Variants in ZNF564 observed in about 807,000 individuals in gnomAD.
ZNF564 encodes the protein zinc finger protein 564.
Under a neutral mutation model 10.5 loss-of-function variants are expected in ZNF564, and 5 were observed. That is an observed-to-expected ratio of 0.48 (90% CI 0.25 to 1.00). The LOEUF is 1.00. Ranked by LOEUF, ZNF564 falls within the 50% of genes least tolerant of loss-of-function variation. The pLI is 0.16. For missense variants in ZNF564, 603 were observed against 669.7 expected (o/e 0.90, Z 1.10); for synonymous variants, 242 against 218.1 (o/e 1.11, Z -0.97).
chr19:12,538,388 G>A (rs1461610584), intron 1 of ZNF564, among the ~76,000 whole-genome samples: 1 of 151,952 alleles, frequency 6.6e-6, no homozygotes, highest in Non-Finnish European at 1.5e-5. Flanking sequence ...CACTTTGGGA[G>A]GCCAAGGTGG....
intron 1 of ZNF564, chr19:12,533,103 C>A (rs1382827020): frequency 6.6e-6 from 1 of 152,038 alleles, no homozygotes; most frequent in Non-Finnish European, 1.5e-5. Flanking sequence ...CAAAAATAAA[C>A]CAAATACTGG....
chr19:12,547,230 T>C (rs561689596), intron 1 of ZNF564, among the ~76,000 whole-genome samples: 1 of 152,138 alleles, frequency 6.6e-6, no homozygotes, highest in Admixed American at 6.5e-5. Context: ...CAATTTTTTT[T>C]AATTTTGTAG....
chr19:12,534,917 T>C (rs1159614370), intron 1 of ZNF564, among the ~76,000 whole-genome samples: 2 of 152,130 alleles, frequency 1.3e-5, no homozygotes, highest in Non-Finnish European at 2.9e-5. Flanking sequence ...AACCTGTACA[T>C]GGATGTTTAT....
chr19:12,549,729 C>T (rs1259056467), intron 1 of ZNF564, among the ~76,000 whole-genome samples: 1 of 152,114 alleles, frequency 6.6e-6, no homozygotes, highest in Non-Finnish European at 1.5e-5. Context: ...CACCTCAGGG[C>T]ATACAGCTGC....
rs2021702321 is a variant in ZNF564 at position 12,527,145 on chromosome 19, G to A, written c.963C>T (p.Pro321=). 13 of 1,613,540 alleles carry A rather than the reference G, an allele frequency of 8.1e-6. No homozygotes were observed. Among genetic ancestry groups the A allele is most frequent in the Non-Finnish European group, 1.1e-5 (13 of 1,179,912 alleles). Residue 321 remains proline, a synonymous_variant, in exon 4 of 4, where the codon CCC becomes CCT. Transcript: ENST00000339282. The part of the protein sequence containing the change: ...CKVCGRAFIF[P]SYVRKHERTH... ...TTCTTTCATGCTTTCGAACATAACT[G>A]GGAAAAATAAAGGCTCTCCCACATA... is the stretch of plus-strand genomic sequence containing the variant.
In ZNF564 at chr19:12,550,614, C is replaced by T. The variant is rs569563789; in HGVS notation, c.3+716G>A. The T allele has an allele frequency of 1.8e-5, 3 of 169,206 alleles. No homozygotes were observed. In the South Asian group the frequency reaches 2.6e-4, roughly 15 times the overall value. The allele number at this position is 169,206 out of a possible 1,614,324, so 10.5% of individuals were successfully genotyped here. On this transcript the variant is annotated intron_variant, in intron 1 of 3. Coordinates refer to ENST00000339282, the MANE Select transcript of ZNF564 (RefSeq NM_144976.4). ...AAGGTTGCAGTGAGCTGAGATCTTC[C>T]CACTGCACTCCAGCCTGGGCGACAG... is the stretch of plus-strand genomic sequence containing the variant.
chr19:12,545,232 A>C (rs1445276072), intron 1 of ZNF564, among the ~76,000 whole-genome samples: 1 of 148,434 alleles, frequency 6.7e-6, no homozygotes, highest in Admixed American at 6.8e-5. Context: ...ATTGCACTCC[A>C]GCCTGGGCAA....
At chr19:12,537,529 G>A (rs567559541) in intron 1 of ZNF564, among the ~76,000 whole-genome samples, 13 of 152,004 alleles carry the variant, frequency 8.6e-5, no homozygotes, top group South Asian at 2.1e-4. Flanking sequence ...ACCTGAGGTC[G>A]GGAGTTCGAG....
chr19:12,538,026 G>A (rs945404651), intron 1 of ZNF564, among the ~76,000 whole-genome samples: 25 of 151,758 alleles, frequency 1.6e-4, no homozygotes, highest in East Asian at 7.7e-4. Context: ...TAGAACATCC[G>A]GTACTATGGC....
chr19:12,547,641 G>A (rs1177237708), intron 1 of ZNF564, among the ~76,000 whole-genome samples: 1 of 151,998 alleles, frequency 6.6e-6, no homozygotes, highest in African/African-American at 2.4e-5. Context: ...TCAGTATAAA[G>A]GACCCCTCCC....
At chr19:12,542,456 C>A (rs1364300811) in intron 1 of ZNF564, among the ~76,000 whole-genome samples, 1 of 151,672 alleles carries the variant, frequency 6.6e-6, no homozygotes, top group Non-Finnish European at 1.5e-5. Context: ...AATGAAACCT[C>A]AACCAAAATT....
chr19:12,528,202 T>C, intron 3 of ZNF564, 102 bp downstream of exon 3: 1 of 1,186,456 alleles, frequency 8.4e-7, no homozygotes, highest in Non-Finnish European at 1.2e-6. Context: ...GTTGTAGGAA[T>C]AAATAAATCT....
At chr19:12,534,281 T>G (rs907272914) in intron 1 of ZNF564, among the ~76,000 whole-genome samples, 4 of 152,190 alleles carry the variant, frequency 2.6e-5, no homozygotes, top group African/African-American at 9.6e-5. Flanking sequence ...GCATAAGACA[T>G]GATTATATAA....
At position 12,527,577 on chromosome 19, in the gene ZNF564, G is replaced by A. The variant is rs753803563; in HGVS notation, c.531C>T (p.Ala177=). The part of the protein sequence containing the change: ...KPYACPECGK[A]FISLPSVRRH... The stretch of plus-strand genomic sequence containing the variant: ...TTCGAACACTTGGGAGAGAAATGAA[G>A]GCTTTCCCACATTCCGGACATGCAT... Residue 177 remains alanine (A), a synonymous_variant, in exon 4 of 4, where the codon GCC becomes GCT. Coordinates refer to ENST00000339282, the MANE Select transcript of ZNF564 (RefSeq NM_144976.4). 3 of 1,613,954 alleles carry A rather than the reference G, an allele frequency of 1.9e-6. No homozygotes were observed. Among genetic ancestry groups the A allele is most frequent in the East Asian group, 4.5e-5 (2 of 44,898 alleles).
intron 1 of ZNF564, among the ~76,000 whole-genome samples, chr19:12,539,774 G>A (rs1341516345): frequency 2.6e-5 from 4 of 151,942 alleles, no homozygotes; most frequent in Non-Finnish European, 4.4e-5. Flanking sequence ...AGGAGATAAA[G>A]ACCATCCTGG....
chr19:12,537,522 T>G (rs905774644), intron 1 of ZNF564, among the ~76,000 whole-genome samples: 1 of 152,064 alleles, frequency 6.6e-6, no homozygotes, highest in Non-Finnish European at 1.5e-5. Context: ...GCGGATCACC[T>G]GAGGTCGGGA....
intron 1 of ZNF564, among the ~76,000 whole-genome samples, chr19:12,540,686 C>G (rs138783742): frequency 0.011 from 1,745 of 152,272 alleles, 35 homozygotes; most frequent in African/African-American, 0.04. Flanking sequence ...AACCCCGTCT[C>G]TACTAAAAAC....
chr19:12,528,355 C>G lies in ZNF564; in HGVS notation c.140G>C (p.Trp47Ser). 6.2e-7 allele frequency: 1 copy of G among 1,606,188 alleles called. No homozygotes were observed. Among genetic ancestry groups the G allele is most frequent in the Non-Finnish European group, 8.5e-7 (1 of 1,178,266 alleles). ...FRNLACVGKK[W>S]EDQSIEDWYK... ...CCAATCTTCAATGCTCTGGTCTTCCCATTTTTTTCCTAAAATATAGTCAGA... is the reference window on the plus strand; with the variant it reads ...CCAATCTTCAATGCTCTGGTCTTCCGATTTTTTTCCTAAAATATAGTCAGA... The change falls in exon 3 of 4, where the codon TGG becomes TCG. Residue 47 changes from tryptophan (W) to serine (S), a missense_variant. Trp to Ser is a radical substitution (Grantham distance 177, BLOSUM62 -3). Coordinates refer to ENST00000339282, the MANE Select transcript of ZNF564 (RefSeq NM_144976.4).
At chr19:12,542,379 G>A (rs2022073023) in intron 1 of ZNF564, among the ~76,000 whole-genome samples, 1 of 149,662 alleles carries the variant, frequency 6.7e-6, no homozygotes, top group Non-Finnish European at 1.5e-5. Context: ...TGGAATCCCA[G>A]CATTCTGGGA....
Sources: gnomAD v4.1 joint callset for allele counts (sites outside exome capture counted in the v4.1 genomes callset) on GRCh38, gnomAD v4.1.1 for gene constraint, MANE v1.5 for transcripts, NCBI Gene and HGNC (gene_info 2026-07-23, HGNC 2026-07-21) for gene names.